Variants in FAM171B observed in about 807,000 individuals in gnomAD.
FAM171B encodes family with sequence similarity 171 member B.
Under a neutral mutation model 75.6 loss-of-function variants are expected in FAM171B, and 19 were observed. That is an observed-to-expected ratio of 0.25 (90% CI 0.18 to 0.37). The LOEUF is 0.37. FAM171B is among the 10% of genes least tolerant of loss of function. FAM171B has a pLI of 1.00. For missense variants in FAM171B, 848 were observed against 982.4 expected (o/e 0.86, Z 1.83); for synonymous variants, 367 against 361.7 (o/e 1.01, Z -0.17).
chr2:186,723,405 T>C (rs1165612665), intron 1 of FAM171B, among the ~76,000 whole-genome samples: 2 of 152,244 alleles, frequency 1.3e-5, no homozygotes, highest in African/African-American at 4.8e-5. Flanking sequence ...TTGGTAATTC[T>C]ATATTCAAAA....
chr2:186,731,035 G>A (rs1371695504), intron 1 of FAM171B, among the ~76,000 whole-genome samples: 1 of 152,178 alleles, frequency 6.6e-6, no homozygotes, highest in Admixed American at 6.5e-5. Context: ...TTGGAATAGA[G>A]ATCCTAATTC....
In FAM171B at chr2:186,765,404, A is replaced by G. The variant is rs1296354146; in HGVS notation, c.*2581A>G. The G allele has an allele frequency of 6.6e-6, 1 of 152,064 alleles. No individual in the cohort carries two copies. The highest frequency in any genetic ancestry group is 2.4e-5 in the African/African-American group (1 of 41,446). The allele number at this position is 152,064 out of a possible 1,614,324, so 9.4% of individuals were successfully genotyped here. ...CAGCTGTATGTATTTTTGAATACATATTATGATCTTGAGACTTTATAAATC... is the reference window on the plus strand; with the variant it reads ...CAGCTGTATGTATTTTTGAATACATGTTATGATCTTGAGACTTTATAAATC... On this transcript the variant is annotated 3_prime_UTR_variant, in exon 8 of 8. Coordinates refer to ENST00000304698, the MANE Select transcript of FAM171B (RefSeq NM_177454.4).
rs796332082 is a variant in FAM171B at position 186,748,542 on chromosome 2, C to T, written c.724+1292C>T. The stretch of plus-strand genomic sequence containing the variant: ...CCTTGGTTCCAAGAAGCAGACTTGG[C>T]CATCACATGGGGCAAGCTGTCAACC... On this transcript the variant is annotated intron_variant, in intron 4 of 7. Transcript: ENST00000304698. Among the ~76,000 whole-genome samples the T allele has an allele frequency of 2.6e-5, 4 of 152,168 alleles. No individual in the cohort carries two copies. In the East Asian group the frequency reaches 7.7e-4, roughly 29 times the overall value.
At chr2:186,729,247 G>A (rs1360227238) in intron 1 of FAM171B, among the ~76,000 whole-genome samples, 1 of 152,008 alleles carries the variant, frequency 6.6e-6, no homozygotes, top group Non-Finnish European at 1.5e-5. Context: ...ATTTTAAAAC[G>A]AATAGTGATA....
At chr2:186,728,149 G>A (rs1690061998) in intron 1 of FAM171B, among the ~76,000 whole-genome samples, 1 of 152,054 alleles carries the variant, frequency 6.6e-6, no homozygotes, top group Non-Finnish European at 1.5e-5. Flanking sequence ...CATTCTTTCT[G>A]TTAAAAAAAT....
At chr2:186,735,001 G>A (rs1176105100) in intron 1 of FAM171B, among the ~76,000 whole-genome samples, 1 of 152,220 alleles carries the variant, frequency 6.6e-6, no homozygotes, top group Admixed American at 6.5e-5. Flanking sequence ...AGCTTCCTGG[G>A]CCCCTGAGAG....
Position 186,740,388 on chromosome 2 carries a change from T to TA in FAM171B, c.400dup (p.Ser134LysfsTer45). ...TAAAAGTACCCTACAAATTAGGACT[T>TA]AGTTTAACTATTATTGCTTACAAAG... On this transcript the variant is annotated frameshift_variant, in exon 2 of 8. Transcript: ENST00000304698. LOFTEE classifies it high-confidence loss of function. The TA allele has an allele frequency of 6.2e-7, 1 of 1,614,086 alleles. No individual in the cohort carries two copies.
intron 6 of FAM171B, among the ~76,000 whole-genome samples, chr2:186,759,886 C>T (rs1690589294): frequency 6.6e-6 from 1 of 152,020 alleles, no homozygotes; most frequent in East Asian, 1.9e-4. Context: ...AGAGTTTCCT[C>T]AATGTTTTCT....
intron 1 of FAM171B, among the ~76,000 whole-genome samples, chr2:186,713,822 A>C (rs1329398082): frequency 6.6e-6 from 1 of 152,244 alleles, no homozygotes; most frequent in Non-Finnish European, 1.5e-5. Context: ...TCAGTGAGGT[A>C]TTCATCTGAG....
At chr2:186,744,655 G>A (rs1381605223) in intron 3 of FAM171B, among the ~76,000 whole-genome samples, 1 of 151,970 alleles carries the variant, frequency 6.6e-6, no homozygotes, top group Non-Finnish European at 1.5e-5. Context: ...AGCCTCCCAA[G>A]TAGCTGGGAT....
chr2:186,703,909 A>G (rs1278487439), intron 1 of FAM171B, among the ~76,000 whole-genome samples: 1 of 152,172 alleles, frequency 6.6e-6, no homozygotes, highest in Non-Finnish European at 1.5e-5. Flanking sequence ...TATCACCAAA[A>G]TAATGGGCAT....
At chr2:186,751,928 C>A (rs1690462090) in intron 5 of FAM171B, among the ~76,000 whole-genome samples, 1 of 152,130 alleles carries the variant, frequency 6.6e-6, no homozygotes, top group Non-Finnish European at 1.5e-5. Flanking sequence ...ACAGGTAGGA[C>A]TTCCTTGGGT....
intron 1 of FAM171B, among the ~76,000 whole-genome samples, chr2:186,705,557 G>C (rs1359776818): frequency 6.6e-6 from 1 of 152,120 alleles, no homozygotes; most frequent in African/African-American, 2.4e-5. Context: ...TCTGACCCCT[G>C]AAAGGGGTCA....
At chr2:186,739,823 T>C (rs1468109731) in intron 1 of FAM171B, among the ~76,000 whole-genome samples, 1 of 152,244 alleles carries the variant, frequency 6.6e-6, no homozygotes, top group East Asian at 1.9e-4. Flanking sequence ...AAGTTTTATA[T>C]GCTGTACCTA....
At chr2:186,705,444 G>A (rs1195088492) in intron 1 of FAM171B, among the ~76,000 whole-genome samples, 1 of 151,990 alleles carries the variant, frequency 6.6e-6, no homozygotes, top group African/African-American at 2.4e-5. Context: ...GAGGTTCAAG[G>A]GAGCCAATAG....
intron 1 of FAM171B, among the ~76,000 whole-genome samples, chr2:186,717,988 T>C (rs1689897769): frequency 6.6e-6 from 1 of 152,188 alleles, no homozygotes; most frequent in African/African-American, 2.4e-5. Context: ...ATAAATGTTA[T>C]TATAAATAAA....
chr2:186,694,782 CACACACACACA>C (rs1689555609), intron 1 of FAM171B, among the ~76,000 whole-genome samples: 4 of 151,486 alleles, frequency 2.6e-5, no homozygotes, highest in Middle Eastern at 3.4e-3. Context: ...CACACACACA[CACACACACACA>C]CCGTTCTTAA....
intron 1 of FAM171B, among the ~76,000 whole-genome samples, chr2:186,715,105 CT>C (rs1457374912): frequency 6.6e-6 from 1 of 152,172 alleles, no homozygotes; most frequent in Non-Finnish European, 1.5e-5. Flanking sequence ...GAATACAACT[CT>C]CACATTCAGT....
intron 2 of FAM171B, among the ~76,000 whole-genome samples, chr2:186,743,079 C>A (rs1690313037): frequency 6.6e-6 from 1 of 151,986 alleles, no homozygotes; most frequent in Non-Finnish European, 1.5e-5. Context: ...TAGTTTATAT[C>A]TAGAGAAGCT....
Sources: allele counts gnomAD v4.1 joint callset (sites outside exome capture counted in the v4.1 genomes callset), GRCh38; gene constraint gnomAD v4.1.1; transcripts MANE v1.5; gene names NCBI Gene and HGNC (gene_info 2026-07-23, HGNC 2026-07-21).